Variants in ICA1L observed in about 807,000 individuals in gnomAD.
The protein encoded by ICA1L is islet cell autoantigen 1 like.
In ICA1L, 50 loss-of-function variants were observed where a neutral mutation model predicts 61.3. The ratio of observed to expected loss-of-function variants is 0.82; its 90% CI spans 0.65 to 1.03. The LOEUF (loss-of-function observed/expected upper bound fraction) is 1.03. Ranked by LOEUF, ICA1L falls within the 50% of genes least tolerant of loss-of-function variation. The pLI is 0.00. For missense variants in ICA1L, 508 were observed against 556.7 expected, an observed-to-expected ratio of 0.91 and a Z score of 0.88; for synonymous variants, 161 against 191.3, an observed-to-expected ratio of 0.84 and a Z score of 1.31.
chr2:202,822,721 C>T (rs1693732689), intron 3 of ICA1L, among the ~76,000 whole-genome samples: 1 of 152,180 alleles, frequency 6.6e-6, no homozygotes, highest in Non-Finnish European at 1.5e-5. Flanking sequence ...AAAGTTAAAA[C>T]TGAAAGGGAA....
rs756577523 is a variant in ICA1L at position 202,819,782 on chromosome 2, G to C, written c.477C>G (p.Tyr159Ter). The stretch of plus-strand genomic sequence containing the variant: ...CTTTCATCCACAGTAGAGCTCCTCT[G>C]TATTCTGTGCGTGCCTGCTCCATCC... Reference protein sequence around the residue: ...INRMEQARTEYRGALLWMKDV... With the variant: ...INRMEQARTE Residue 159 changes from tyrosine (Y) to a stop codon, truncating the protein, a stop_gained, in exon 5 of 13, where the codon TAC becomes TAG. Transcript: ENST00000358299. LOFTEE classifies it high-confidence loss of function. 6.2e-7 allele frequency: 1 copy of C among 1,614,006 alleles called. No individual in the cohort carries two copies. Among genetic ancestry groups the C allele is most frequent in the East Asian group, 2.2e-5 (1 of 44,892 alleles).
intron 9 of ICA1L, among the ~76,000 whole-genome samples, chr2:202,809,598 C>G (rs1297512839): frequency 1.3e-5 from 2 of 151,476 alleles, no homozygotes; most frequent in African/African-American, 2.4e-5. Flanking sequence ...TGCCATGAGC[C>G]GAGATGGTGC....
chr2:202,808,441 C>T (rs77016025), intron 9 of ICA1L, among the ~76,000 whole-genome samples: 3,106 of 151,472 alleles, frequency 0.021, 115 homozygotes, highest in African/African-American at 0.072. Context: ...GGTGTAGAAT[C>T]GAGAACCAAG....
At chr2:202,861,612 T>G (rs1220674008) in intron 1 of ICA1L, among the ~76,000 whole-genome samples, 1 of 150,738 alleles carries the variant, frequency 6.6e-6, no homozygotes, top group Non-Finnish European at 1.5e-5. Context: ...GAAGGCCAGG[T>G]GCAGTGGCTC....
intron 1 of ICA1L, among the ~76,000 whole-genome samples, chr2:202,848,377 C>A (rs953199575): frequency 6.6e-6 from 1 of 152,176 alleles, no homozygotes; most frequent in African/African-American, 2.4e-5. Flanking sequence ...GGAACCGAAA[C>A]AAGTTTACTG....
At chr2:202,785,221 A>T (rs76925644) in intron 12 of ICA1L, among the ~76,000 whole-genome samples, 1 of 136,396 alleles carries the variant, frequency 7.3e-6, no homozygotes, top group South Asian at 2.3e-4. Flanking sequence ...TGTCTCAATT[A>T]AAAAAAAAAA....
Position 202,804,854 on chromosome 2 carries a change from A to G in ICA1L, c.910+6892T>C, listed in dbSNP as rs1270950564. ...ATGCAACTTGGTTAAAATCAATAAC[A>G]AAAAGATGAATTTTTCTATTTCCAT... is the stretch of plus-strand genomic sequence containing the variant. On this transcript the variant is annotated intron_variant, in intron 9 of 12. Transcript: ENST00000358299. 2.0e-5 allele frequency among the ~76,000 whole-genome samples: 3 copies of G among 152,242 alleles called. No homozygotes were observed. The East Asian group carries it at 5.8e-4, about 29-fold the overall frequency.
At chr2:202,811,840 G>A in intron 8 of ICA1L, 51 bp from the exon 9 acceptor site, 1 of 1,294,078 alleles carries the variant, frequency 7.7e-7, no homozygotes, top group Non-Finnish European at 1.1e-6. Context: ...ATACACTTGT[G>A]ATTCATATTC....
chr2:202,847,713 A>ATATATATATATAT (rs1242055604), intron 1 of ICA1L, among the ~76,000 whole-genome samples: 8 of 147,460 alleles, frequency 5.4e-5, no homozygotes, highest in Admixed American at 6.8e-5. Context: ...ATATATAGTT[A>ATATATATATATAT]AGCAGTGAGA....
chr2:202,869,196 A>G (rs1457845371), intron 1 of ICA1L, among the ~76,000 whole-genome samples: 1 of 151,932 alleles, frequency 6.6e-6, no homozygotes, highest in Non-Finnish European at 1.5e-5. Context: ...GACTCTACTA[A>G]AAATACAAAA....
At chr2:202,819,956 A>G (rs1693653356) in intron 4 of ICA1L, 57 bp from the exon 5 acceptor site, 1 of 1,317,078 alleles carries the variant, frequency 7.6e-7, no homozygotes, top group Admixed American at 1.9e-5. Context: ...AAAACAAAAC[A>G]AAGGTTTAAA....
At chr2:202,831,127 G>C (rs192780582) in intron 1 of ICA1L, among the ~76,000 whole-genome samples, 1 of 152,096 alleles carries the variant, frequency 6.6e-6, no homozygotes, top group Admixed American at 6.6e-5. Flanking sequence ...TCCACAAAGT[G>C]GCCAATTTTC....
At chr2:202,801,147 C>G (rs1179750611) in intron 9 of ICA1L, among the ~76,000 whole-genome samples, 1 of 152,040 alleles carries the variant, frequency 6.6e-6, no homozygotes, top group East Asian at 1.9e-4. Context: ...AGAGTCACAG[C>G]AAGGAAGGTT....
Position 202,784,111 on chromosome 2 carries a change from T to C in ICA1L, c.1333+1807A>G, listed in dbSNP as rs374658606. The stretch of plus-strand genomic sequence containing the variant: ...CCCACTGGCCAACACAGGAACAATG[T>C]GAGCACCAGAATCAATAATTTCAGT... On this transcript the variant is annotated intron_variant, in intron 12 of 12. Transcript: ENST00000358299. 2.6e-5 allele frequency among the ~76,000 whole-genome samples: 4 copies of C among 152,298 alleles called. 1 individual carries two copies. The highest frequency in any genetic ancestry group is 1.3e-4 in the Admixed American group (2 of 15,306).
At chr2:202,782,067 C>CGGACA (rs1306191994) in intron 12 of ICA1L, among the ~76,000 whole-genome samples, 2 of 151,954 alleles carry the variant, frequency 1.3e-5, no homozygotes, top group Non-Finnish European at 2.9e-5. Flanking sequence ...ATTTTATGGC[C>CGGACA]GGACATGGTG....
intron 10 of ICA1L, among the ~76,000 whole-genome samples, chr2:202,795,073 CTTTT>C (rs59752090): frequency 8.2e-5 from 8 of 97,074 alleles, no homozygotes; most frequent in South Asian, 3.7e-4. Flanking sequence ...GTTTCCTTTT[CTTTT>C]TTTTTTTTTT....
intron 7 of ICA1L, 51 bp downstream of exon 7, chr2:202,815,860 C>G: frequency 9.2e-7 from 1 of 1,083,760 alleles, no homozygotes; most frequent in Non-Finnish European, 1.3e-6. Context: ...AATGTTATCA[C>G]CCAAATGAAG....
chr2:202,816,467 G>A (rs1478528335), intron 6 of ICA1L, among the ~76,000 whole-genome samples: 4 of 152,154 alleles, frequency 2.6e-5, no homozygotes, highest in Non-Finnish European at 5.9e-5. Context: ...TAGAGTTCAA[G>A]AAAGATTTGC....
At chr2:202,821,252 C>A in intron 4 of ICA1L, 106 bp downstream of exon 4, 1 of 1,074,022 alleles carries the variant, frequency 9.3e-7, no homozygotes. Context: ...CTCTTTAACC[C>A]TTTATTAGAA....
Sources: gnomAD v4.1 joint callset for allele counts (sites outside exome capture counted in the v4.1 genomes callset) on GRCh38, gnomAD v4.1.1 for gene constraint, MANE v1.5 for transcripts, NCBI Gene and HGNC (gene_info 2026-07-23, HGNC 2026-07-21) for gene names.